The following SLC44A4 variants were observed in gnomAD, a reference collection of about 807,000 sequenced individuals.
The protein encoded by SLC44A4 is solute carrier family 44 member 4, also known as choline transporter-like protein 4.
Under a neutral mutation model 97.0 loss-of-function variants are expected in SLC44A4, and 74 were observed. That is an observed-to-expected ratio of 0.76 (90% confidence interval 0.63 to 0.93). The LOEUF (loss-of-function observed/expected upper bound fraction) is 0.93. SLC44A4 is among the 40% of genes least tolerant of loss of function. The pLI is 0.00. For synonymous variants in SLC44A4, 325 were observed against 363.8 expected (o/e 0.89, Z 1.21); for missense variants, 799 against 902.9 (o/e 0.88, Z 1.48).
At chr6:31,873,138 G>T (rs1763265412) in intron 7 of SLC44A4, among the ~76,000 whole-genome samples, 1 of 152,122 alleles carries the variant, frequency 6.6e-6, no homozygotes, top group Admixed American at 6.5e-5. Context: ...GCCTCCCAAA[G>T]TGCTGGGATT....
At chr6:31,871,120 G>A in intron 9 of SLC44A4, 73 bp from the exon 10 acceptor site, 11 of 1,403,190 alleles carry the variant, frequency 7.8e-6, no homozygotes, top group Admixed American at 3.9e-5. Flanking sequence ...GGCCCTCCCT[G>A]CCTTTCCACA....
At position 31,874,585 on chromosome 6, in the gene SLC44A4, C is replaced by G; in HGVS notation, c.469-65G>C. 8 of 1,583,884 alleles carry G rather than the reference C, an allele frequency of 5.1e-6. No individual in the cohort carries two copies. Among genetic ancestry groups the G allele is most frequent in the Non-Finnish European group, 6.9e-6 (8 of 1,163,602 alleles). ...CAGGATGAAGAAGCAGGTCCCCTCA[C>G]CACCACCATGGGGCTCAGCCTGTCC... On this transcript the variant is annotated intron_variant, in intron 6 of 20. Coordinates refer to ENST00000229729, the MANE Select transcript of SLC44A4 (RefSeq NM_025257.3). This position sits in a 1 kb window ranked among gnomAD's most constrained non-coding sequence, Gnocchi z 4.8.
At position 31,876,802 on chromosome 6, in the gene SLC44A4, T is replaced by C. The variant is rs1049614059; in HGVS notation, c.89+232A>G. Among the ~76,000 whole-genome samples the C allele has an allele frequency of 1.6e-4, 24 of 152,232 alleles. No homozygotes were observed. The highest frequency in any genetic ancestry group is 5.3e-4 in the African/African-American group (22 of 41,516). ...CAAGGGCTCAGCTGGGTGAGTTCTC[T>C]CGCTTGTGAAGCCGGCACTTAAGTC... On this transcript the variant is annotated intron_variant, in intron 2 of 20. Coordinates refer to ENST00000229729, the MANE Select transcript of SLC44A4 (RefSeq NM_025257.3). This position sits in a 1 kb window ranked among gnomAD's most constrained non-coding sequence, Gnocchi z 4.8.
chr6:31,867,508 T>C (rs955414192), intron 13 of SLC44A4, among the ~76,000 whole-genome samples: 5 of 151,952 alleles, frequency 3.3e-5, no homozygotes, highest in Non-Finnish European at 4.4e-5. Context: ...AGCAGGCAAA[T>C]TGCTTGAGCC....
intron 9 of SLC44A4, 118 bp downstream of exon 9, chr6:31,871,196 C>T (rs1369550765): frequency 1.2e-5 from 16 of 1,289,622 alleles, no homozygotes; most frequent in Admixed American, 1.8e-5. Flanking sequence ...GGAATCCATT[C>T]GGAGCTCTGG....
intron 12 of SLC44A4, 75 bp from the exon 13 acceptor site, chr6:31,869,332 G>A: frequency 8.3e-7 from 1 of 1,209,068 alleles, no homozygotes; most frequent in Non-Finnish European, 1.2e-6. Context: ...CCTGTTCCTA[G>A]GTGCTTGTGC....
In SLC44A4 at chr6:31,865,513, G is replaced by A. The variant is rs1762805892; in HGVS notation, c.1671C>T (p.Arg557=). Residue 557 remains arginine, a synonymous_variant, in exon 16 of 21, where the codon CGC becomes CGT. Coordinates refer to ENST00000229729, the MANE Select transcript of SLC44A4 (RefSeq NM_025257.3). This position sits in a 1 kb window ranked among gnomAD's most constrained non-coding sequence, Gnocchi z 5.2. ...CLEKFIKFLN[R]NAYIMIAIYG... Reference sequence around the variant, plus strand: ...TGTAGCTCACCATGATGTATGCATTGCGGTTTAGGAACTTGATAAATTTTT... The same window carrying A: ...TGTAGCTCACCATGATGTATGCATTACGGTTTAGGAACTTGATAAATTTTT... The A allele has an allele frequency of 6.2e-7, 1 of 1,605,480 alleles. No homozygotes were observed. The highest frequency in any genetic ancestry group is 1.7e-5 in the Admixed American group (1 of 59,612).
At position 31,865,965 on chromosome 6, in the gene SLC44A4, G is replaced by A. The variant is rs1389429814; in HGVS notation, c.1395C>T (p.Leu465=). 3.7e-6 allele frequency: 6 copies of A among 1,614,118 alleles called. No individual in the cohort carries two copies. Among genetic ancestry groups the A allele is most frequent in the Middle Eastern group, 1.6e-4 (1 of 6,084 alleles). Residue 465 remains leucine, a synonymous_variant, in exon 14 of 21, where the codon CTC becomes CTT. Transcript: ENST00000229729. The surrounding 1 kb of genome is among the most constrained non-coding windows in gnomAD (Gnocchi z 5.2). ...NWVLALGQCV[L]AGAFASFYWA... is the part of the protein sequence containing the mutation. Reference sequence around the variant, plus strand: ...AGTAGAAGGAGGCAAAGGCTCCAGCGAGGACGCATTGGCCCAGGGCCAGTA... The same window carrying A: ...AGTAGAAGGAGGCAAAGGCTCCAGCAAGGACGCATTGGCCCAGGGCCAGTA...
intron 4 of SLC44A4, 149 bp downstream of exon 4, chr6:31,875,703 T>G: frequency 1.4e-6 from 1 of 706,836 alleles, no homozygotes; most frequent in Non-Finnish European, 2.4e-6. Flanking sequence ...CCTGGAGTTG[T>G]CAGATTCAGG....
Position 31,865,870 on chromosome 6 carries a change from T to C in SLC44A4, c.1487+3A>G, listed in dbSNP as rs200704603. On this transcript the variant is annotated splice_donor_region_variant and intron_variant, in intron 14 of 20. Transcript: ENST00000229729. The surrounding 1 kb of genome is among the most constrained non-coding windows in gnomAD (Gnocchi z 5.2). ...AATGACCAGGCCCCTGCCCCATCCT[T>C]ACCGGAGTGTGCGGATGAAGGCAGA... 1 of 1,614,110 alleles carries C rather than the reference T, an allele frequency of 6.2e-7. No homozygotes were observed. Among genetic ancestry groups the C allele is most frequent in the East Asian group, 2.2e-5 (1 of 44,870 alleles).
Position 31,865,013 on chromosome 6 carries a change from C to T in SLC44A4, c.1828G>A (p.Val610Met), listed in dbSNP as rs758095863. 1.2e-5 allele frequency: 20 copies of T among 1,613,820 alleles called. No homozygotes were observed. Among genetic ancestry groups the T allele is most frequent in the African/African-American group, 9.3e-5 (7 of 74,936 alleles). The change falls in exon 18 of 21, where the codon GTG (valine) becomes ATG (methionine). Residue 610 changes from valine to methionine, a missense_variant. This residue lies in a region of SLC44A4 where 379 missense variants were observed against 438.3 expected (regional missense o/e 0.86). Transcript: ENST00000229729. The surrounding 1 kb of genome is among the most constrained non-coding windows in gnomAD (Gnocchi z 5.2). ...CCCACAGCTTCTGGTCCCTTACCCA[C>T]GCCTCCGACCACCAGCAGCTTCCCA... ...FFGKLLVVGG[V>M]GVLSFFFFSG... is the part of the protein sequence containing the mutation.
At position 31,877,062 on chromosome 6, in the gene SLC44A4, G is replaced by C. The variant is rs1562459464; in HGVS notation, c.61C>G (p.Pro21Ala). 1 of 1,610,390 alleles carries C rather than the reference G, an allele frequency of 6.2e-7. No individual in the cohort carries two copies. Among genetic ancestry groups the C allele is most frequent in the East Asian group, 2.2e-5 (1 of 44,852 alleles). Residue 21 changes from proline to alanine, a missense_variant, in exon 2 of 21, where the codon CCC (proline) becomes GCC (alanine). Transcript: ENST00000229729. The surrounding 1 kb of genome is among the most constrained non-coding windows in gnomAD (Gnocchi z 6.5). ...TTCTTGATGGGGCCTCGAAAGGAGG[G>C]GTCGTATTTGACTGGCTTCCCTGAG... is the stretch of plus-strand genomic sequence containing the variant. ...EAYGKPVKYD[P>A]SFRGPIKNRS...
rs1308750400 is a variant in SLC44A4, at chr6:31,874,840, CA to C, written c.348del (p.Cys116TrpfsTer41). On this transcript the variant is annotated frameshift_variant, in exon 6 of 21. Coordinates refer to ENST00000229729, the MANE Select transcript of SLC44A4 (RefSeq NM_025257.3). LOFTEE classifies it high-confidence loss of function. This position sits in a 1 kb window ranked among gnomAD's most constrained non-coding sequence, Gnocchi z 4.8. ...CATGGGTCCTCCGGGCAGGAGGACACACACACCTGGGTGCAGAGAGAACACT... is the reference window on the plus strand; with the variant it reads ...CATGGGTCCTCCGGGCAGGAGGACACCACACCTGGGTGCAGAGAGAACACT... ...NGLQCPTPQV[C>X]VSSCPEDPWT... The C allele has an allele frequency of 6.2e-7, 1 of 1,612,316 alleles. No individual in the cohort carries two copies. The highest frequency in any genetic ancestry group is 8.5e-7 in the Non-Finnish European group (1 of 1,179,280).
At position 31,874,331 on chromosome 6, in the gene SLC44A4, C is replaced by A; in HGVS notation, c.529+129G>T. Reference sequence around the variant, plus strand: ...CACATAACAAAGAGCAAAATGAAGACCTGATGCTAATTCCAATTTTGCCAC... The same window carrying A: ...CACATAACAAAGAGCAAAATGAAGAACTGATGCTAATTCCAATTTTGCCAC... On this transcript the variant is annotated intron_variant, in intron 7 of 20. Coordinates refer to ENST00000229729, the MANE Select transcript of SLC44A4 (RefSeq NM_025257.3). The surrounding 1 kb of genome is among the most constrained non-coding windows in gnomAD (Gnocchi z 4.8). 1 of 968,678 alleles carries A rather than the reference C, an allele frequency of 1.0e-6. No homozygotes were observed. Among genetic ancestry groups the A allele is most frequent in the Non-Finnish European group, 1.6e-6 (1 of 617,110 alleles). 60.0% of individuals were successfully genotyped at this position (968,678 alleles called of 1,614,324 possible). A position where few individuals can be genotyped will look rare whatever the true frequency, so the allele number is the denominator to read the frequency against.
In SLC44A4 at chr6:31,875,082, G is replaced by C. The variant is rs73404118; in HGVS notation, c.243-54C>G. ...AGGGCCTGGTCAGGTGTTGGGGGAGGGGAGGGACCACTAGGGTGGCTTCTC... is the reference window on the plus strand; with the variant it reads ...AGGGCCTGGTCAGGTGTTGGGGGAGCGGAGGGACCACTAGGGTGGCTTCTC... On this transcript the variant is annotated intron_variant, in intron 4 of 20. Transcript: ENST00000229729. The C allele has an allele frequency of 3.7e-3, 5,239 of 1,433,934 alleles. 145 individuals carry two copies. The African/African-American group carries it at 0.063, about 17-fold the overall frequency. 88.8% of individuals were successfully genotyped at this position (1,433,934 alleles called of 1,614,324 possible). A position where few individuals can be genotyped will look rare whatever the true frequency, so the allele number is the denominator to read the frequency against.
chr6:31,878,539 G>A lies in SLC44A4; in HGVS notation c.40+402C>T, dbSNP rs1045594055. On this transcript the variant is annotated intron_variant, in intron 1 of 20. Transcript: ENST00000229729. This position sits in a 1 kb window ranked among gnomAD's most constrained non-coding sequence, Gnocchi z 4.0. ...TACAGGGACCCTGGCCTCACTGGTTGCAGGCTCTGCAGCACAGGACACTCC... is the reference window on the plus strand; with the variant it reads ...TACAGGGACCCTGGCCTCACTGGTTACAGGCTCTGCAGCACAGGACACTCC... 6.6e-6 allele frequency among the ~76,000 whole-genome samples: 1 copy of A among 152,082 alleles called. No individual in the cohort carries two copies. The highest frequency in any genetic ancestry group is 2.4e-5 in the African/African-American group (1 of 41,386).
intron 13 of SLC44A4, among the ~76,000 whole-genome samples, chr6:31,866,415 C>G (rs1043119858): frequency 1.3e-5 from 2 of 152,188 alleles, no homozygotes; most frequent in Non-Finnish European, 1.5e-5. Context: ...TACCAAAACC[C>G]TTTCCGGCAA....
chr6:31,871,552 C>T lies in SLC44A4; in HGVS notation c.539G>A (p.Arg180His), dbSNP rs756279934. Reference protein sequence around the residue: ...FLLPSAPALGRCFPWTNVTPP... With the variant: ...FLLPSAPALGHCFPWTNVTPP... ...AGTAACGTTGGTCCATGGAAAGCAGCGCCCCAGAGCTGGAAGGGAGAGCCG... is the reference window on the plus strand; with the variant it reads ...AGTAACGTTGGTCCATGGAAAGCAGTGCCCCAGAGCTGGAAGGGAGAGCCG... The change falls in exon 8 of 21, where the codon CGC (arginine) becomes CAC (histidine). Residue 180 changes from arginine (R) to histidine (H), a missense_variant. Arg to His is a conservative substitution (Grantham distance 29, BLOSUM62 0). This residue lies in a region of SLC44A4 where 409 missense variants were observed against 434.1 expected (regional missense o/e 0.94). Transcript: ENST00000229729. The T allele has an allele frequency of 6.8e-6, 11 of 1,613,448 alleles. No homozygotes were observed. The East Asian group carries it at 8.9e-5, about 13-fold the overall frequency.
chr6:31,865,339 A>G lies in SLC44A4; in HGVS notation c.1736T>C (p.Met579Thr). ...CCTGACAATGTTTCGCATGAGTAGC[A>G]TGAACGCATTTTTGGCTGAGACACA... ...NFCVSAKNAF[M>T]LLMRNIVRVV... Residue 579 changes from methionine (M) to threonine (T), a missense_variant, in exon 17 of 21, where the codon ATG becomes ACG. Transcript: ENST00000229729. The surrounding 1 kb of genome is among the most constrained non-coding windows in gnomAD (Gnocchi z 5.2). The G allele has an allele frequency of 6.2e-7, 1 of 1,614,072 alleles. No individual in the cohort carries two copies. Among genetic ancestry groups the G allele is most frequent in the East Asian group, 2.2e-5 (1 of 44,878 alleles).
Sources: allele counts gnomAD v4.1 joint callset (sites outside exome capture counted in the v4.1 genomes callset), GRCh38; gene constraint gnomAD v4.1.1; regional missense constraint gnomAD v4.1.1; non-coding constraint Gnocchi (gnomAD v3.1); transcripts MANE v1.5; gene names NCBI Gene and HGNC (gene_info 2026-07-23, HGNC 2026-07-21).